RANBP2: variants seen among roughly 807,000 people sequenced by gnomAD.
RANBP2 encodes the protein RAN binding protein 2.
Under a neutral mutation model 303.6 loss-of-function variants are expected in RANBP2, and 57 were observed. The observed-to-expected ratio is 0.19, with a 90% confidence interval of 0.15 to 0.23. RANBP2 has a LOEUF of 0.23. Ranked by LOEUF, RANBP2 falls within the 10% of genes least tolerant of loss-of-function variation. RANBP2 has a pLI of 1.00. For synonymous variants in RANBP2, 1,167 were observed against 1,301.5 expected (o/e 0.90, Z 2.23); for missense variants, 3,138 against 3,780.8 (o/e 0.83, Z 4.46).
chr2:109,328,446 A>G, the RANBP2 span, among the ~76,000 whole-genome samples: 8 of 152,196 alleles, frequency 5.3e-5, no homozygotes, highest in Admixed American at 2.6e-4. Context: ...CTGCTCCTCC[A>G]TTCCCTGTAT....
chr2:109,281,333 C>T, the RANBP2 span, among the ~76,000 whole-genome samples: 6 of 152,328 alleles, frequency 3.9e-5, no homozygotes, highest in East Asian at 7.7e-4. Context: ...GGGCCCCCTC[C>T]GTTATCCATC....
the RANBP2 span, among the ~76,000 whole-genome samples, chr2:108,957,272 C>T: frequency 6.6e-6 from 1 of 152,198 alleles, no homozygotes; most frequent in Non-Finnish European, 1.5e-5. Context: ...CTTCGTGAGA[C>T]AGATGAAAGC....
chr2:109,411,449 C>G, the RANBP2 span, among the ~76,000 whole-genome samples: 6 of 152,222 alleles, frequency 3.9e-5, no homozygotes, highest in African/African-American at 1.2e-4. Context: ...TAGCGTGCTG[C>G]TGAGCCTGTC....
the RANBP2 span, among the ~76,000 whole-genome samples, chr2:109,073,271 A>T: frequency 2.6e-5 from 4 of 152,186 alleles, no homozygotes; most frequent in Non-Finnish European, 4.4e-5. Context: ...GAACAGAAAA[A>T]TTTAATAGAG....
the RANBP2 span, among the ~76,000 whole-genome samples, chr2:108,982,520 G>A: frequency 9.2e-5 from 14 of 152,324 alleles, no homozygotes; most frequent in African/African-American, 3.1e-4. Context: ...ACTTCATTTT[G>A]CAATCTTCAC....
the RANBP2 span, among the ~76,000 whole-genome samples, chr2:109,343,411 G>T: frequency 6.6e-6 from 1 of 151,798 alleles, no homozygotes; most frequent in African/African-American, 2.4e-5. Context: ...TCTTAAAAAG[G>T]TTCATTCCCC....
the RANBP2 span, among the ~76,000 whole-genome samples, chr2:109,197,672 T>C: frequency 6.6e-6 from 1 of 152,212 alleles, no homozygotes; most frequent in African/African-American, 2.4e-5. Context: ...GTGAGATGTG[T>C]TGGGACAGTA....
At chr2:109,388,732 A>T in the RANBP2 span, among the ~76,000 whole-genome samples, 5 of 152,358 alleles carry the variant, frequency 3.3e-5, no homozygotes, top group East Asian at 9.6e-4. Flanking sequence ...AAGAGGATGA[A>T]GTAGGCTCTA....
At chr2:109,026,966 G>A in the RANBP2 span, among the ~76,000 whole-genome samples, 8 of 152,162 alleles carry the variant, frequency 5.3e-5, no homozygotes, top group East Asian at 3.9e-4. Context: ...GACATTGGCC[G>A]GGTGTGGTGG....
chr2:109,654,910 T>TC, the RANBP2 span, among the ~76,000 whole-genome samples: 7 of 151,626 alleles, frequency 4.6e-5, no homozygotes, highest in African/African-American at 1.7e-4. Flanking sequence ...TCTTTTCTTT[T>TC]TTTTTTTTTT....
At chr2:109,266,773 A>G in the RANBP2 span, among the ~76,000 whole-genome samples, 1 of 152,164 alleles carries the variant, frequency 6.6e-6, no homozygotes, top group Non-Finnish European at 1.5e-5. Flanking sequence ...GACAGGGGTG[A>G]GCGTGTGCCC....
chr2:109,524,743 T>C, the RANBP2 span, among the ~76,000 whole-genome samples: 1 of 151,446 alleles, frequency 6.6e-6, no homozygotes, highest in Admixed American at 6.6e-5. Context: ...AGACTCCATC[T>C]CAAAAAATAT....
the RANBP2 span, among the ~76,000 whole-genome samples, chr2:109,309,945 C>T: frequency 1.6e-5 from 2 of 124,344 alleles, no homozygotes; most frequent in South Asian, 5.2e-4. Flanking sequence ...GACAGAAAGT[C>T]AACAAGGATA....
At chr2:108,954,555 C>T in the RANBP2 span, among the ~76,000 whole-genome samples, 23 of 152,306 alleles carry the variant, frequency 1.5e-4, no homozygotes, top group South Asian at 1.5e-3. Context: ...TCTTAGTCAA[C>T]GCTCATCCCA....
At chr2:108,803,385 T>G in the RANBP2 span, among the ~76,000 whole-genome samples, 3 of 53,138 alleles carry the variant, frequency 5.6e-5, no homozygotes, top group African/African-American at 1.5e-4. Flanking sequence ...GAAGACTGGT[T>G]TTCTCTCATT....
the RANBP2 span, among the ~76,000 whole-genome samples, chr2:109,065,865 G>A: frequency 4.8e-3 from 726 of 152,290 alleles, 5 homozygotes; most frequent in African/African-American, 0.016. Context: ...GCAACAAAGT[G>A]AGGTGATGTA....
the RANBP2 span, among the ~76,000 whole-genome samples, chr2:109,056,356 C>T: frequency 2.6e-5 from 4 of 151,814 alleles, no homozygotes; most frequent in African/African-American, 4.8e-5. Flanking sequence ...TTTGTAGAGA[C>T]GGGAGTCTCA....
chr2:109,656,399 A>G, the RANBP2 span, among the ~76,000 whole-genome samples: 4 of 152,132 alleles, frequency 2.6e-5, no homozygotes, highest in African/African-American at 9.7e-5. Flanking sequence ...GTGAAGTGGC[A>G]CTATCTTGGC....
the RANBP2 span, among the ~76,000 whole-genome samples, chr2:109,457,590 A>G: frequency 6.6e-6 from 1 of 152,228 alleles, no homozygotes; most frequent in African/African-American, 2.4e-5. Flanking sequence ...TGCGTGTGAC[A>G]GTGTGGCTGG....
Sources: allele counts gnomAD v4.1 joint callset (sites outside exome capture counted in the v4.1 genomes callset), GRCh38; gene constraint gnomAD v4.1.1; transcripts MANE v1.5; gene names NCBI Gene and HGNC (gene_info 2026-07-23, HGNC 2026-07-21).